Variants in APP observed in about 807,000 individuals in gnomAD.
APP encodes the protein amyloid-beta precursor protein.
In APP, 31 loss-of-function variants were observed where a neutral mutation model predicts 101.4. The observed-to-expected ratio is 0.31, with a 90% confidence interval of 0.23 to 0.41. The LOEUF (loss-of-function observed/expected upper bound fraction) is 0.41. Ranked by LOEUF, APP falls within the 10% of genes least tolerant of loss-of-function variation. The probability of loss-of-function intolerance (pLI) is 1.00; values close to 1 mark genes in which losing one functional copy is unlikely to be tolerated. For synonymous variants in APP, 366 were observed against 364.4 expected, an observed-to-expected ratio of 1.00 and a Z score of -0.05; for missense variants, 839 against 1,003.7, an observed-to-expected ratio of 0.84 and a Z score of 2.22.
rs201305277 is a variant in APP, at chr21:26,136,136, AG to A, written c.58-23991del. Among the ~76,000 whole-genome samples, 174 of 83,260 alleles carry A rather than the reference AG, an allele frequency of 2.1e-3. 7 individuals carry two copies. The highest frequency in any genetic ancestry group is 0.016 in the Middle Eastern group (3 of 190). The allele number at this position is 83,260 out of a possible 152,430, so 54.6% of individuals were successfully genotyped here. A position where few individuals can be genotyped will look rare whatever the true frequency, so the allele number is the denominator to read the frequency against. On this transcript the variant is annotated intron_variant, in intron 1 of 17. Transcript: ENST00000346798. Reference sequence around the variant, plus strand: ...ACAGAGTGAGACTCTGTCTCAAAAAAGAAAAAAGAAAAGAAAAGAAAAGAAA... The same window carrying A: ...ACAGAGTGAGACTCTGTCTCAAAAAAAAAAAAGAAAAGAAAAGAAAAGAAA...
chr21:26,111,967 G>C lies in APP; in HGVS notation c.225+12C>G, dbSNP rs558245335. On this transcript the variant is annotated intron_variant, in intron 2 of 17. Coordinates refer to ENST00000346798, the MANE Select transcript of APP (RefSeq NM_000484.4). ...ATCCAACGTGAATTGCTAGCCACCG[G>C]ACAGGACTTACTTCTTGGCAATACT... 7 of 1,613,896 alleles carry C rather than the reference G, an allele frequency of 4.3e-6. No homozygotes were observed. Among genetic ancestry groups the C allele is most frequent in the Admixed American group, 3.3e-5 (2 of 60,016 alleles).
At chr21:26,015,158 G>C (rs1457664479) in intron 6 of APP, among the ~76,000 whole-genome samples, 1 of 152,030 alleles carries the variant, frequency 6.6e-6, no homozygotes, top group East Asian at 1.9e-4. Context: ...TTACATTTAT[G>C]CCTTTTATAA....
At chr21:26,024,603 A>T (rs1228117461) in intron 5 of APP, among the ~76,000 whole-genome samples, 3 of 152,220 alleles carry the variant, frequency 2.0e-5, no homozygotes, top group East Asian at 1.9e-4. Flanking sequence ...AGTTTTGCTG[A>T]GAGTGAAAGG....
At chr21:25,988,473 G>A (rs1034729180) in intron 8 of APP, among the ~76,000 whole-genome samples, 6 of 152,098 alleles carry the variant, frequency 3.9e-5, no homozygotes, top group South Asian at 2.1e-4. Context: ...AGTCTGAGGC[G>A]GGCAGATCAC....
At chr21:26,033,550 A>G (rs1191877927) in intron 5 of APP, among the ~76,000 whole-genome samples, 1 of 152,144 alleles carries the variant, frequency 6.6e-6, no homozygotes, top group East Asian at 1.9e-4. Flanking sequence ...GAGGGGGTGG[A>G]CTGCAGGAAG....
intron 4 of APP, 66 bp from the exon 5 acceptor site, chr21:26,051,259 C>T: frequency 6.8e-7 from 1 of 1,467,186 alleles, no homozygotes; most frequent in South Asian, 1.2e-5. Context: ...GAAAACTCCA[C>T]ATAAAATAAT....
chr21:25,946,938 T>C (rs17001547), intron 13 of APP, among the ~76,000 whole-genome samples: 2,625 of 152,302 alleles, frequency 0.017, 39 homozygotes, highest in Middle Eastern at 0.041. Flanking sequence ...TCTGCCAGAA[T>C]GGTAGAGAGC....
chr21:25,904,902 C>T (rs1041099733), intron 15 of APP, 122 bp downstream of exon 15: 2 of 842,716 alleles, frequency 2.4e-6, no homozygotes, highest in Non-Finnish European at 4.0e-6. Flanking sequence ...TTTCTAAGGT[C>T]ACTTCAAATT....
At chr21:25,965,143 CTTGTATGTCTTCAAGCT>C (rs775708209) in intron 11 of APP, among the ~76,000 whole-genome samples, 9 of 152,178 alleles carry the variant, frequency 5.9e-5, no homozygotes, top group Non-Finnish European at 1.0e-4. Context: ...AATGTTTGGA[CTTGTATGTCTTCAAGCT>C]TTGTTTAGTC....
intron 2 of APP, among the ~76,000 whole-genome samples, chr21:26,101,900 C>T (rs1343841702): frequency 6.6e-6 from 1 of 152,012 alleles, no homozygotes; most frequent in East Asian, 1.9e-4. Context: ...CCTTATGGGC[C>T]AAGAATGGTA....
intron 7 of APP, 122 bp from the exon 8 acceptor site, chr21:25,997,538 G>A: frequency 1.2e-6 from 1 of 861,488 alleles, no homozygotes; most frequent in Non-Finnish European, 1.9e-6. Flanking sequence ...ACTTAGGTTT[G>A]GTCCCTCCAA....
intron 14 of APP, among the ~76,000 whole-genome samples, chr21:25,910,537 G>T (rs757589225): frequency 4.6e-5 from 7 of 152,176 alleles, no homozygotes; most frequent in Non-Finnish European, 8.8e-5. Context: ...TTTGTATCTA[G>T]AAATCAAGGT....
At chr21:26,142,050 G>A (rs2063057204) in intron 1 of APP, among the ~76,000 whole-genome samples, 2 of 152,178 alleles carry the variant, frequency 1.3e-5, no homozygotes, top group Admixed American at 6.5e-5. Flanking sequence ...CAAGATGGAA[G>A]AATAGGAAAC....
chr21:26,048,218 G>A (rs1050857382), intron 5 of APP, among the ~76,000 whole-genome samples: 1 of 152,050 alleles, frequency 6.6e-6, no homozygotes, highest in African/African-American at 2.4e-5. Flanking sequence ...AGCTACTTAG[G>A]AGGCTGAGGC....
chr21:26,113,149 T>C (rs1363898138), intron 1 of APP, among the ~76,000 whole-genome samples: 1 of 152,176 alleles, frequency 6.6e-6, no homozygotes, highest in African/African-American at 2.4e-5. Flanking sequence ...ATATTAATCA[T>C]GATAGGCCCT....
chr21:26,103,274 C>T (rs565876098), intron 2 of APP, among the ~76,000 whole-genome samples: 1 of 152,308 alleles, frequency 6.6e-6, no homozygotes, highest in African/African-American at 2.4e-5. Flanking sequence ...GACTACACGC[C>T]AACATTCCAC....
At chr21:25,958,848 T>A (rs1294997241) in intron 11 of APP, among the ~76,000 whole-genome samples, 1 of 152,208 alleles carries the variant, frequency 6.6e-6, no homozygotes, top group Non-Finnish European at 1.5e-5. Flanking sequence ...TGAGACAGTA[T>A]ATTAAATGCT....
intron 8 of APP, among the ~76,000 whole-genome samples, chr21:25,995,944 GT>G (rs147826650): frequency 0.054 from 7,896 of 145,134 alleles, 284 homozygotes; most frequent in South Asian, 0.096. Context: ...TGAGATGAGG[GT>G]TTTTTTTTTT....
At chr21:26,057,688 A>G (rs982044190) in intron 3 of APP, among the ~76,000 whole-genome samples, 1 of 152,190 alleles carries the variant, frequency 6.6e-6, no homozygotes, top group African/African-American at 2.4e-5. Flanking sequence ...GATGGGAGGA[A>G]AAGAGCTCAG....
Sources: gnomAD v4.1 joint callset for allele counts (sites outside exome capture counted in the v4.1 genomes callset) on GRCh38, gnomAD v4.1.1 for gene constraint, MANE v1.5 for transcripts, NCBI Gene and HGNC (gene_info 2026-07-23, HGNC 2026-07-21) for gene names.